Variants in NKAIN3 observed in about 807,000 individuals in gnomAD.
The protein encoded by NKAIN3 is sodium/potassium transporting ATPase interacting 3.
A neutral mutation model predicts 30.2 loss-of-function variants in NKAIN3; 25 were observed. That is an observed-to-expected ratio of 0.83 (90% CI 0.60 to 1.16). The LOEUF (loss-of-function observed/expected upper bound fraction) is 1.16. NKAIN3 is among the 50% of genes most tolerant of loss of function. The pLI, the probability that NKAIN3 is intolerant of heterozygous loss-of-function variation, is 0.00. For missense variants in NKAIN3, 225 were observed against 254.1 expected, an observed-to-expected ratio of 0.89 and a Z score of 0.78; for synonymous variants, 91 against 89.6, an observed-to-expected ratio of 1.02 and a Z score of -0.09.
chr8:62,502,740 AT>A (rs1268488162), intron 1 of NKAIN3, among the ~76,000 whole-genome samples: 1 of 152,144 alleles, frequency 6.6e-6, no homozygotes, highest in Non-Finnish European at 1.5e-5. Flanking sequence ...TAGGCTCCAC[AT>A]TTACATATGT....
intron 1 of NKAIN3, among the ~76,000 whole-genome samples, chr8:62,512,226 G>A (rs1807835622): frequency 6.6e-6 from 1 of 152,160 alleles, no homozygotes; most frequent in South Asian, 2.1e-4. Flanking sequence ...AGAAGGCATT[G>A]TGGATATCAG....
intron 1 of NKAIN3, chr8:62,473,991 G>A (rs529062694): frequency 1.3e-5 from 2 of 151,884 alleles, no homozygotes; most frequent in South Asian, 2.1e-4. Flanking sequence ...GTTTTGTATC[G>A]AGCAACCTTA....
At chr8:62,611,073 T>A (rs1458668344) in intron 3 of NKAIN3, among the ~76,000 whole-genome samples, 2 of 152,122 alleles carry the variant, frequency 1.3e-5, no homozygotes, top group Non-Finnish European at 2.9e-5. Flanking sequence ...AGCCAGACAG[T>A]CTTTAGCACT....
intron 1 of NKAIN3, among the ~76,000 whole-genome samples, chr8:62,446,584 A>G (rs546410594): frequency 9.9e-5 from 15 of 152,100 alleles, no homozygotes; most frequent in African/African-American, 3.6e-4. Context: ...ATCATTCCAA[A>G]CTGAAACTCT....
intron 6 of NKAIN3, 116 bp downstream of exon 6, chr8:62,954,088 A>G (rs1235508137): frequency 1.7e-5 from 3 of 175,640 alleles, no homozygotes; most frequent in Non-Finnish European, 3.4e-5. Context: ...TTTTCCACTC[A>G]TATTTAAAAC....
In NKAIN3 at chr8:62,735,618, T is replaced by C. The variant is rs139366327; in HGVS notation, c.274-11314T>C. On this transcript the variant is annotated intron_variant, in intron 3 of 6. Coordinates refer to ENST00000623646, the MANE Select transcript of NKAIN3 (RefSeq NM_001304533.3). ...GGTGCCTCGTTAAGTACCTTAATAA[T>C]ACACCTTCTGAATTCTTTTTCTGGT... 3.1e-4 allele frequency among the ~76,000 whole-genome samples: 47 copies of C among 152,328 alleles called. 1 individual carries two copies. The East Asian group carries it at 7.3e-3, about 24-fold the overall frequency.
intron 1 of NKAIN3, among the ~76,000 whole-genome samples, chr8:62,378,748 G>A (rs931865246): frequency 3.2e-4 from 48 of 152,218 alleles, no homozygotes; most frequent in Non-Finnish European, 7.3e-5. Context: ...ATGGAAATGC[G>A]TGGATATCCA....
At chr8:62,752,605 T>A (rs1563546328) in intron 4 of NKAIN3, among the ~76,000 whole-genome samples, 1 of 152,194 alleles carries the variant, frequency 6.6e-6, no homozygotes, top group Non-Finnish European at 1.5e-5. Flanking sequence ...TGAAAAAATA[T>A]CAGAATTATT....
intron 1 of NKAIN3, among the ~76,000 whole-genome samples, chr8:62,505,665 T>C (rs57823545): frequency 0.057 from 8,607 of 152,218 alleles, 285 homozygotes; most frequent in African/African-American, 0.085. Flanking sequence ...CAAATACTGA[T>C]AGATCCATAT....
At chr8:62,560,850 C>T (rs1809552929) in intron 1 of NKAIN3, among the ~76,000 whole-genome samples, 2 of 151,992 alleles carry the variant, frequency 1.3e-5, no homozygotes, top group South Asian at 4.1e-4. Flanking sequence ...TTTCTCTCTC[C>T]TCTCCTTTCT....
intron 3 of NKAIN3, among the ~76,000 whole-genome samples, chr8:62,729,134 A>C (rs187710878): frequency 1.3e-5 from 2 of 151,700 alleles, no homozygotes; most frequent in African/African-American, 2.4e-5. Flanking sequence ...TAAATATTTG[A>C]TAAAAGAGTG....
intron 1 of NKAIN3, among the ~76,000 whole-genome samples, chr8:62,543,862 T>C (rs940034312): frequency 1.3e-5 from 2 of 152,242 alleles, no homozygotes; most frequent in African/African-American, 4.8e-5. Flanking sequence ...TGTTATATTA[T>C]GTCTTATTTT....
At chr8:62,811,252 T>C (rs1418204562) in intron 4 of NKAIN3, among the ~76,000 whole-genome samples, 1 of 152,140 alleles carries the variant, frequency 6.6e-6, no homozygotes, top group East Asian at 1.9e-4. Context: ...TACCATAGCT[T>C]ATTTAAACAA....
At chr8:62,580,051 T>C (rs1206698800) in intron 2 of NKAIN3, among the ~76,000 whole-genome samples, 1 of 152,216 alleles carries the variant, frequency 6.6e-6, no homozygotes, top group Non-Finnish European at 1.5e-5. Flanking sequence ...TCAGTGACAT[T>C]TGTCACTAAC....
intron 1 of NKAIN3, among the ~76,000 whole-genome samples, chr8:62,454,301 C>CAAAAAAAAAAAAAAGAAAAA (rs1805743054): frequency 1.8e-5 from 1 of 56,152 alleles, no homozygotes; most frequent in Non-Finnish European, 3.8e-5. Flanking sequence ...AGCTGATGTG[C>CAAAAAAAAAAAAAAGAAAAA]AAAAAAAAAA....
intron 1 of NKAIN3, among the ~76,000 whole-genome samples, chr8:62,530,290 G>A (rs1199189064): frequency 2.0e-5 from 3 of 151,616 alleles, no homozygotes; most frequent in Admixed American, 6.6e-5. Flanking sequence ...TTTCCTACAC[G>A]ACTTCAATTA....
intron 3 of NKAIN3, among the ~76,000 whole-genome samples, chr8:62,629,580 CACTCCATAA>C (rs1305171387): frequency 6.6e-6 from 1 of 152,016 alleles, no homozygotes; most frequent in Non-Finnish European, 1.5e-5. Flanking sequence ...ACATAGTAGG[CACTCCATAA>C]ATGCTAGGCA....
At chr8:62,683,021 G>GT (rs146878511) in intron 3 of NKAIN3, among the ~76,000 whole-genome samples, 3 of 151,814 alleles carry the variant, frequency 2.0e-5, no homozygotes, top group Non-Finnish European at 4.4e-5. Context: ...TTGTTTGTTT[G>GT]TTTTTTTGTT....
chr8:62,636,346 G>T (rs1812127548), intron 3 of NKAIN3, among the ~76,000 whole-genome samples: 1 of 152,094 alleles, frequency 6.6e-6, no homozygotes, highest in African/African-American at 2.4e-5. Context: ...AGCCTGTGAA[G>T]ACTTACATAC....
Sources: gnomAD v4.1 joint callset for allele counts (sites outside exome capture counted in the v4.1 genomes callset) on GRCh38, gnomAD v4.1.1 for gene constraint, MANE v1.5 for transcripts, NCBI Gene and HGNC (gene_info 2026-07-23, HGNC 2026-07-21) for gene names.